ARPC5L: variants seen among roughly 807,000 people sequenced by gnomAD.
ARPC5L encodes the protein actin-related protein 2/3 complex subunit 5-like protein.
In ARPC5L, 4 loss-of-function variants were observed where a neutral mutation model predicts 16.9. The observed-to-expected ratio is 0.24, with a 90% CI of 0.12 to 0.54. The LOEUF (loss-of-function observed/expected upper bound fraction) is 0.54. Ranked by LOEUF, ARPC5L falls within the 20% of genes least tolerant of loss-of-function variation. ARPC5L has a pLI of 0.95. For missense variants in ARPC5L, 151 were observed against 201.9 expected, an observed-to-expected ratio of 0.75 and a Z score of 1.53; for synonymous variants, 78 against 82.6, an observed-to-expected ratio of 0.94 and a Z score of 0.30.
chr9:124,874,928 C>T (rs555243515), intron 4 of ARPC5L, 47 bp from the exon 5 acceptor site: 27 of 1,608,930 alleles, frequency 1.7e-5, no homozygotes, highest in East Asian at 1.1e-4. Context: ...CATGGCATGG[C>T]GGTGCCTTCG....
chr9:124,862,934 G>A (rs1234268122), intron 1 of ARPC5L, among the ~76,000 whole-genome samples: 2 of 151,078 alleles, frequency 1.3e-5, no homozygotes, highest in Non-Finnish European at 2.9e-5. Flanking sequence ...CAAAACCTCC[G>A]CTTCCCGGGT....
chr9:124,867,808 C>CTT (rs57343594), intron 2 of ARPC5L, among the ~76,000 whole-genome samples: 6 of 98,776 alleles, frequency 6.1e-5, no homozygotes, highest in East Asian at 2.6e-4. Context: ...CTTTTCTTTT[C>CTT]TTTTTTTTTT....
chr9:124,866,614 G>A (rs144275707), intron 2 of ARPC5L, among the ~76,000 whole-genome samples: 2,458 of 151,960 alleles, frequency 0.016, 65 homozygotes, highest in African/African-American at 0.055. Flanking sequence ...CCAGCTACTC[G>A]GGAGGCTGAG....
chr9:124,869,298 G>A lies in ARPC5L; in HGVS notation c.8G>A (p.Arg3Gln). 1 of 1,525,532 alleles carries A rather than the reference G, an allele frequency of 6.6e-7. No homozygotes were observed. The highest frequency in any genetic ancestry group is 8.8e-7 in the Non-Finnish European group (1 of 1,136,628). The allele number at this position is 1,525,532 out of a possible 1,614,324, so 94.5% of individuals were successfully genotyped here. MA[R>Q]NTLSSRFRRV... ...GGGCGCCGAGCTCCCGCCATGGCCCGGAACACGCTGTCCTCGCGCTTCCGC... is the reference window on the plus strand; with the variant it reads ...GGGCGCCGAGCTCCCGCCATGGCCCAGAACACGCTGTCCTCGCGCTTCCGC... The change falls in exon 3 of 6, where the codon CGG (arginine) becomes CAG (glutamine). Residue 3 changes from arginine to glutamine, a missense_variant. Transcript: ENST00000353214.
intron 3 of ARPC5L, 144 bp downstream of exon 3, chr9:124,869,583 C>T: frequency 3.8e-6 from 5 of 1,330,806 alleles, no homozygotes; most frequent in Non-Finnish European, 4.8e-6. Context: ...CCTGCCGACC[C>T]GGCTTCCCTG....
chr9:124,872,334 C>A (rs1188298796), intron 3 of ARPC5L, among the ~76,000 whole-genome samples: 2 of 152,170 alleles, frequency 1.3e-5, no homozygotes, highest in Non-Finnish European at 2.9e-5. Context: ...GTGGCTCACA[C>A]CTGTAATCCC....
rs374778682 is a variant in ARPC5L, at chr9:124,867,254, C to T, written c.-863-1174C>T. On this transcript the variant is annotated intron_variant, in intron 2 of 5. Transcript: ENST00000353214. ...CCTCCTGGGTTCAAGCGATTCTCCC[C>T]GCTCAGCTTCCCGAGTAGCTGGGAT... Among the ~76,000 whole-genome samples, 10 of 151,956 alleles carry T rather than the reference C, an allele frequency of 6.6e-5. No individual in the cohort carries two copies. In the South Asian group the frequency reaches 2.1e-3, roughly 32 times the overall value.
At chr9:124,868,008 C>A (rs963829021) in intron 2 of ARPC5L, among the ~76,000 whole-genome samples, 1 of 152,066 alleles carries the variant, frequency 6.6e-6, no homozygotes, top group African/African-American at 2.4e-5. Context: ...GGGGTTTCAG[C>A]ATTTTGGTCA....
At chr9:124,873,799 G>C (rs1213505046) in intron 4 of ARPC5L, 35 bp downstream of exon 4, 1 of 1,612,484 alleles carries the variant, frequency 6.2e-7, no homozygotes, top group South Asian at 1.1e-5. Context: ...GCTGGGTGCT[G>C]TTGGGACCAG....
intron 5 of ARPC5L, among the ~76,000 whole-genome samples, chr9:124,876,197 T>C (rs1588046147): frequency 1.3e-5 from 2 of 151,724 alleles, no homozygotes; most frequent in Admixed American, 1.3e-4. Flanking sequence ...TACAAAAAAA[T>C]AAACTAGGCT....
chr9:124,864,770 C>T (rs141732437), intron 2 of ARPC5L, among the ~76,000 whole-genome samples: 2,645 of 152,038 alleles, frequency 0.017, 74 homozygotes, highest in African/African-American at 0.06. Flanking sequence ...TCCCAAAGTG[C>T]TGCGATTACA....
At chr9:124,868,237 C>T (rs1829298653) in intron 2 of ARPC5L, among the ~76,000 whole-genome samples, 191 bp from the exon 3 acceptor site, 1 of 152,190 alleles carries the variant, frequency 6.6e-6, no homozygotes, top group East Asian at 1.9e-4. Context: ...AATCACATTC[C>T]AACTACTGAC....
At chr9:124,876,530 C>CCT (rs1829439025) in intron 5 of ARPC5L, among the ~76,000 whole-genome samples, 1 of 152,168 alleles carries the variant, frequency 6.6e-6, no homozygotes, top group Non-Finnish European at 1.5e-5. Flanking sequence ...CACCTGTGGT[C>CCT]CCAGCTACTC....
Position 124,869,191 on chromosome 9 carries a change from G to C in ARPC5L, c.-100G>C. 2 of 1,291,862 alleles carry C rather than the reference G, an allele frequency of 1.5e-6. No homozygotes were observed. The highest frequency in any genetic ancestry group is 1.9e-5 in the South Asian group (1 of 51,766). The allele number at this position is 1,291,862 out of a possible 1,614,324, so 80.0% of individuals were successfully genotyped here. On this transcript the variant is annotated 5_prime_UTR_variant, in exon 3 of 6. Transcript: ENST00000353214. ...GTGGAGGAGGTGCTGGGAGCAGCCG[G>C]GCAGCCGCTTCCCGCCCCCGAGCAG...
intron 3 of ARPC5L, among the ~76,000 whole-genome samples, chr9:124,870,773 C>CT (rs1829345453): frequency 6.6e-6 from 1 of 152,174 alleles, no homozygotes; most frequent in Non-Finnish European, 1.5e-5. Context: ...GCCCAGGACT[C>CT]TCATTGAACA....
intron 3 of ARPC5L, among the ~76,000 whole-genome samples, chr9:124,870,230 C>A (rs1829336351): frequency 6.6e-6 from 1 of 152,192 alleles, no homozygotes; most frequent in Non-Finnish European, 1.5e-5. Context: ...TGGAGCCCCA[C>A]GCCTGGAAAT....
At position 124,877,347 on chromosome 9, in the gene ARPC5L, G is replaced by C; in HGVS notation, c.*407G>C. 5.2e-6 allele frequency: 1 copy of C among 193,402 alleles called. No individual in the cohort carries two copies. The highest frequency in any genetic ancestry group is 1.1e-5 in the Non-Finnish European group (1 of 95,166). 12.0% of individuals were successfully genotyped at this position (193,402 alleles called of 1,614,324 possible). A position where few individuals can be genotyped will look rare whatever the true frequency, so the allele number is the denominator to read the frequency against. ...ACAGACATCCTGTCTTCCCAGAGAA[G>C]GTGGACACTCTTGGGCTCATTGTAA... On this transcript the variant is annotated 3_prime_UTR_variant, in exon 6 of 6. Coordinates refer to ENST00000353214, the MANE Select transcript of ARPC5L (RefSeq NM_030978.3).
At chr9:124,876,459 C>T (rs2131340473) in intron 5 of ARPC5L, among the ~76,000 whole-genome samples, 1 of 152,310 alleles carries the variant, frequency 6.6e-6, no homozygotes, top group Non-Finnish European at 1.5e-5. Context: ...GCACTCCAGC[C>T]TGGGTGACAA....
At chr9:124,865,131 C>T (rs546086144) in intron 2 of ARPC5L, among the ~76,000 whole-genome samples, 224 of 152,174 alleles carry the variant, frequency 1.5e-3, no homozygotes, top group Non-Finnish European at 2.4e-3. Context: ...TGTACCTGGC[C>T]GGCATAGCTT....
Sources: allele counts gnomAD v4.1 joint callset (sites outside exome capture counted in the v4.1 genomes callset), GRCh38; gene constraint gnomAD v4.1.1; transcripts MANE v1.5; gene names NCBI Gene and HGNC (gene_info 2026-07-23, HGNC 2026-07-21).